Variants in ONECUT1 observed in about 807,000 individuals in gnomAD.
ONECUT1 encodes hepatocyte nuclear factor 6.
In ONECUT1, 12 loss-of-function variants were observed where a neutral mutation model predicts 25.6. The ratio of observed to expected loss-of-function variants is 0.47; its 90% CI spans 0.30 to 0.76. The LOEUF (loss-of-function observed/expected upper bound fraction) is 0.76, where lower values mean the gene tolerates loss of function less well. ONECUT1 is among the 30% of genes least tolerant of loss of function. ONECUT1 has a pLI of 0.07. For synonymous variants in ONECUT1, 285 were observed against 270.2 expected (o/e 1.05, Z -0.54); for missense variants, 620 against 651.2 (o/e 0.95, Z 0.52).
rs139797470 is a variant in ONECUT1 at position 52,775,452 on chromosome 15, AACACACAC to A, written c.1105+13320_1105+13327del. ...AGGCCCTTGATTATTTTTAAAGAGG[AACACACAC>A]ACACACACACACACACACACACACA... On this transcript the variant is annotated intron_variant, in intron 1 of 1. Coordinates refer to ENST00000305901, the MANE Select transcript of ONECUT1 (RefSeq NM_004498.4). 3.5e-3 allele frequency among the ~76,000 whole-genome samples: 498 copies of A among 141,026 alleles called. 2 individuals carry two copies. Among genetic ancestry groups the A allele is most frequent in the African/African-American group, 7.9e-3 (302 of 38,140 alleles). 92.5% of individuals were successfully genotyped at this position (141,026 alleles called of 152,430 possible). A position where few individuals can be genotyped will look rare whatever the true frequency, so the allele number is the denominator to read the frequency against.
At chr15:52,782,413 C>T (rs543312226) in intron 1 of ONECUT1, among the ~76,000 whole-genome samples, 1 of 152,078 alleles carries the variant, frequency 6.6e-6, no homozygotes, top group Non-Finnish European at 1.5e-5. Context: ...AAAATAAGAA[C>T]CTATACAAAC....
chr15:52,787,317 G>A (rs2083882303), intron 1 of ONECUT1, among the ~76,000 whole-genome samples: 1 of 152,092 alleles, frequency 6.6e-6, no homozygotes, highest in Admixed American at 6.5e-5. Context: ...TGGGACCGGT[G>A]GCCTGCAGCG....
intron 1 of ONECUT1, among the ~76,000 whole-genome samples, chr15:52,778,769 A>G (rs1421080713): frequency 6.6e-6 from 1 of 152,234 alleles, no homozygotes; most frequent in African/African-American, 2.4e-5. Context: ...AACTTAGAAG[A>G]GACTAGGGCC....
chr15:52,788,844 G>A lies in ONECUT1; in HGVS notation c.1041C>T (p.Phe347=). The part of the protein sequence containing the change: ...WSKLKSGRET[F]RRMWKWLQEP... Reference sequence around the variant, plus strand: ...CCTGCAGCCACTTCCACATCCTCCGGAAGGTCTCCCGGCCGGATTTGAGTT... The same window carrying A: ...CCTGCAGCCACTTCCACATCCTCCGAAAGGTCTCCCGGCCGGATTTGAGTT... The change falls in exon 1 of 2, where the codon TTC becomes TTT. Residue 347 remains phenylalanine (F), a synonymous_variant. Coordinates refer to ENST00000305901, the MANE Select transcript of ONECUT1 (RefSeq NM_004498.4). The surrounding 1 kb of genome is among the most constrained non-coding windows in gnomAD (Gnocchi z 4.3). 6.2e-7 allele frequency: 1 copy of A among 1,614,146 alleles called. No homozygotes were observed.
At chr15:52,787,456 T>C (rs2083883480) in intron 1 of ONECUT1, among the ~76,000 whole-genome samples, 1 of 152,104 alleles carries the variant, frequency 6.6e-6, no homozygotes, top group Non-Finnish European at 1.5e-5. Context: ...GCTTTGATTT[T>C]AGACTGTGAA....
intron 1 of ONECUT1, among the ~76,000 whole-genome samples, chr15:52,761,681 A>G (rs1358431525): frequency 1.3e-5 from 2 of 152,200 alleles, no homozygotes; most frequent in African/African-American, 4.8e-5. Flanking sequence ...AGAAAAAGAA[A>G]AGAAAACCAC....
chr15:52,777,697 A>AAAAC (rs1459526990), intron 1 of ONECUT1, among the ~76,000 whole-genome samples: 1 of 122,144 alleles, frequency 8.2e-6, no homozygotes, highest in African/African-American at 3.6e-5. Context: ...CTTCCTGGAA[A>AAAAC]ACACACACAC....
intron 1 of ONECUT1, among the ~76,000 whole-genome samples, chr15:52,777,729 C>CAAAAAAAAAAAAAA (rs1309303644): frequency 1.4e-4 from 12 of 87,370 alleles, no homozygotes; most frequent in African/African-American, 9.1e-4. Context: ...CACACACACA[C>CAAAAAAAAAAAAAA]ACACACACAA....
chr15:52,763,754 G>C (rs1163524788), intron 1 of ONECUT1, among the ~76,000 whole-genome samples: 1 of 152,186 alleles, frequency 6.6e-6, no homozygotes, highest in African/African-American at 2.4e-5. Flanking sequence ...AGTGTGGTTG[G>C]CAGACCTGTG....
chr15:52,778,003 A>T (rs965675563), intron 1 of ONECUT1, among the ~76,000 whole-genome samples: 2 of 152,208 alleles, frequency 1.3e-5, no homozygotes, highest in Non-Finnish European at 2.9e-5. Flanking sequence ...ATGACAATAG[A>T]GTATGTCTTG....
intron 1 of ONECUT1, chr15:52,781,317 C>T (rs1403943262): frequency 1.3e-5 from 2 of 152,140 alleles, no homozygotes; most frequent in Non-Finnish European, 2.9e-5. Flanking sequence ...TTTCTGGCTG[C>T]TTCTTCAAAA....
chr15:52,785,356 C>G (rs527648720), intron 1 of ONECUT1, among the ~76,000 whole-genome samples: 3 of 152,196 alleles, frequency 2.0e-5, no homozygotes, highest in Non-Finnish European at 4.4e-5. Flanking sequence ...ACCCCTCCCC[C>G]CTTGGCTCAG....
chr15:52,771,133 TA>T (rs1470686685), intron 1 of ONECUT1, among the ~76,000 whole-genome samples: 1 of 152,160 alleles, frequency 6.6e-6, no homozygotes, highest in East Asian at 1.9e-4. Context: ...ATATTCATCA[TA>T]GATCCTTTTA....
At chr15:52,764,247 T>C (rs923587483) in intron 1 of ONECUT1, among the ~76,000 whole-genome samples, 3 of 152,210 alleles carry the variant, frequency 2.0e-5, no homozygotes, top group Non-Finnish European at 2.9e-5. Flanking sequence ...TAAATGAGCC[T>C]GGACTCTTGA....
chr15:52,762,973 TAGAC>T (rs1228122323), intron 1 of ONECUT1, among the ~76,000 whole-genome samples: 9 of 151,328 alleles, frequency 5.9e-5, no homozygotes, highest in African/African-American at 1.2e-4. Context: ...ATGTGCAAGA[TAGAC>T]AGAGAGAGAG....
chr15:52,772,917 A>G (rs17652361), intron 1 of ONECUT1, among the ~76,000 whole-genome samples: 2,160 of 152,252 alleles, frequency 0.014, 82 homozygotes, highest in East Asian at 0.12. Flanking sequence ...CATATAACAA[A>G]CCCAAGCTGC....
intron 1 of ONECUT1, among the ~76,000 whole-genome samples, chr15:52,775,780 T>C (rs1251488042): frequency 1.3e-5 from 2 of 152,206 alleles, no homozygotes; most frequent in African/African-American, 2.4e-5. Context: ...TATGAAAATA[T>C]GCTTGCCATT....
In ONECUT1 at chr15:52,757,592, T is replaced by C; in HGVS notation, c.1361A>G (p.Asn454Ser). 6.2e-7 allele frequency: 1 copy of C among 1,614,068 alleles called. No individual in the cohort carries two copies. The highest frequency in any genetic ancestry group is 8.5e-7 in the Non-Finnish European group (1 of 1,179,972). ...WQDEGSSNSGNSSSSSSTCTK... is the reference protein window; with the variant it reads ...WQDEGSSNSGSSSSSSSTCTK... The stretch of plus-strand genomic sequence containing the variant: ...ACAAGTGCTTGATGAAGAAGATGAG[T>C]TGCCTGAATTGGAGCTGCCCTCGTC... The change falls in exon 2 of 2, where the codon AAC becomes AGC. Residue 454 changes from asparagine to serine, a missense_variant. This residue lies in a region of ONECUT1 where 30 missense variants were observed against 25.1 expected (regional missense o/e 1.20). Coordinates refer to ENST00000305901, the MANE Select transcript of ONECUT1 (RefSeq NM_004498.4).
rs923663563 is a variant in ONECUT1, at chr15:52,788,965, C to T, written c.920G>A (p.Arg307His). The T allele has an allele frequency of 4.3e-6, 7 of 1,613,162 alleles. No homozygotes were observed. The highest frequency in any genetic ancestry group is 1.7e-5 in the Admixed American group (1 of 60,012). Residue 307 changes from arginine to histidine, a missense_variant, in exon 1 of 2, where the codon CGC (arginine) becomes CAC (histidine). Around this residue, in one of 4 missense-constraint regions of ONECUT1, gnomAD observed 146 missense variants for 201.8 expected, o/e 0.72. Coordinates refer to ENST00000305901, the MANE Select transcript of ONECUT1 (RefSeq NM_004498.4). The surrounding 1 kb of genome is among the most constrained non-coding windows in gnomAD (Gnocchi z 4.3). Reference protein sequence around the residue: ...VAQRITTELKRYSIPQAIFAQ... With the variant: ...VAQRITTELKHYSIPQAIFAQ... ...GAAGATGGCCTGTGGGATGCTGTAGCGCTTGAGCTCGGTGGTGATACGCTG... is the reference window on the plus strand; with the variant it reads ...GAAGATGGCCTGTGGGATGCTGTAGTGCTTGAGCTCGGTGGTGATACGCTG...
Sources: allele counts gnomAD v4.1 joint callset (sites outside exome capture counted in the v4.1 genomes callset), GRCh38; gene constraint gnomAD v4.1.1; regional missense constraint gnomAD v4.1.1; non-coding constraint Gnocchi (gnomAD v3.1); transcripts MANE v1.5; gene names NCBI Gene and HGNC (gene_info 2026-07-23, HGNC 2026-07-21).